The following CCR5AS variants were observed in gnomAD, a reference collection of about 807,000 sequenced individuals.
CCR5AS encodes CCR5 antisense RNA.
exon 2 of CCR5AS, chr3:46,392,852 TG>T: frequency 4.6e-6 from 1 of 218,590 alleles, no homozygotes; most frequent in Non-Finnish European, 8.9e-6. Flanking sequence ...AGATGTTCCT[TG>T]GGCTGGTCTG....
chr3:46,379,224 A>G (rs1460606883), intron 2 of CCR5AS, among the ~76,000 whole-genome samples: 1 of 123,180 alleles, frequency 8.1e-6, no homozygotes, highest in Non-Finnish European at 1.6e-5. Flanking sequence ...TCCTATGTCC[A>G]TGTGATCTCA....
At chr3:46,367,816 C>T (rs778139540) in intron 3 of CCR5AS, among the ~76,000 whole-genome samples, 10 of 152,276 alleles carry the variant, frequency 6.6e-5, no homozygotes, top group East Asian at 1.9e-4. Flanking sequence ...AAGTTATCCA[C>T]TCGCCTTGGC....
At chr3:46,390,102 G>A (rs375453168) in intron 2 of CCR5AS, among the ~76,000 whole-genome samples, 6 of 152,266 alleles carry the variant, frequency 3.9e-5, no homozygotes, top group South Asian at 2.1e-4. Flanking sequence ...TCATGAGAAA[G>A]GGCCTGGCCA....
intron 2 of CCR5AS, among the ~76,000 whole-genome samples, chr3:46,385,679 C>T (rs139223832): frequency 5.9e-5 from 9 of 152,228 alleles, no homozygotes; most frequent in South Asian, 2.1e-4. Context: ...CCCTACTGGG[C>T]GCAACTCTCT....
chr3:46,392,107 T>C (rs1271484155), intron 2 of CCR5AS, among the ~76,000 whole-genome samples: 1 of 152,170 alleles, frequency 6.6e-6, no homozygotes, highest in Admixed American at 6.5e-5. Context: ...ATTGTCAAGT[T>C]TGTATTGGGG....
At chr3:46,381,102 T>C (rs1701812529) in intron 2 of CCR5AS, among the ~76,000 whole-genome samples, 1 of 152,220 alleles carries the variant, frequency 6.6e-6, no homozygotes, top group Non-Finnish European at 1.5e-5. Context: ...TTTTGGGTTA[T>C]GTTTTCACCC....
intron 2 of CCR5AS, among the ~76,000 whole-genome samples, chr3:46,384,516 C>T (rs34190223): frequency 0.068 from 10,332 of 152,222 alleles, 528 homozygotes; most frequent in South Asian, 0.2. Context: ...GATTTGGGGG[C>T]TGCTTTTCAT....
At position 46,402,915 on chromosome 3, in the gene CCR5AS, C is replaced by T. The variant is rs978176293; in HGVS notation, n.163+3982G>A. On this transcript the variant is annotated intron_variant and non_coding_transcript_variant, in intron 1 of 3. Transcript: ENST00000451485. ...CCGCCCTCCAGTCTCAAGTAGACCC[C>T]GGTGTCTGTTGTTCCCTTCTTTGAG... Among the ~76,000 whole-genome samples, 51 of 152,148 alleles carry T rather than the reference C, an allele frequency of 3.4e-4. 1 individual carries two copies. The highest frequency in any genetic ancestry group is 2.4e-5 in the African/African-American group (1 of 41,422).
At chr3:46,373,050 CT>C (rs747388089) in intron 2 of CCR5AS, 9 of 1,614,064 alleles carry the variant, frequency 5.6e-6, no homozygotes, top group Non-Finnish European at 6.8e-6. Context: ...GGGCAACATG[CT>C]GGTCATCCTC....
chr3:46,375,431 C>T (rs1033308638), intron 2 of CCR5AS: 1 of 167,016 alleles, frequency 6.0e-6, no homozygotes, highest in African/African-American at 2.4e-5. Flanking sequence ...GTTACTCATT[C>T]AGGGATAGCA....
At chr3:46,386,598 C>T (rs1559572984) in intron 2 of CCR5AS, among the ~76,000 whole-genome samples, 1 of 152,032 alleles carries the variant, frequency 6.6e-6, no homozygotes, top group African/African-American at 2.4e-5. Context: ...CAAGGTGGGA[C>T]AGGGGGAAAG....
At chr3:46,379,897 A>AAAATAAAT (rs60485134) in intron 2 of CCR5AS, among the ~76,000 whole-genome samples, 2,029 of 146,482 alleles carry the variant, frequency 0.014, 19 homozygotes, top group African/African-American at 0.021. Flanking sequence ...ACTCTGTCTC[A>AAAATAAAT]AAATAAATAA....
chr3:46,364,836 T>G (rs1035262714), exon 4 of CCR5AS: 1 of 152,186 alleles, frequency 6.6e-6, no homozygotes, highest in Non-Finnish European at 1.5e-5. Context: ...CCAACCCCCA[T>G]AGATGACTTT....
intron 2 of CCR5AS, chr3:46,372,668 T>TC (rs1451829437): frequency 2.6e-6 from 1 of 387,526 alleles, no homozygotes; most frequent in East Asian, 4.6e-5. Flanking sequence ...TTTCATGAAT[T>TC]CCCCCAACAG....
chr3:46,406,389 C>T (rs1702047442), intron 1 of CCR5AS, among the ~76,000 whole-genome samples: 1 of 151,982 alleles, frequency 6.6e-6, no homozygotes, highest in South Asian at 2.1e-4. Flanking sequence ...AGTTCCTCTT[C>T]TCGGTTCGTC....
intron 2 of CCR5AS, among the ~76,000 whole-genome samples, chr3:46,388,832 A>G (rs1701883684): frequency 6.6e-6 from 1 of 152,224 alleles, no homozygotes; most frequent in South Asian, 2.1e-4. Context: ...GAGTGAGTAT[A>G]AAAGTAAAGA....
At chr3:46,397,508 G>A (rs1701970965) in intron 1 of CCR5AS, among the ~76,000 whole-genome samples, 1 of 152,210 alleles carries the variant, frequency 6.6e-6, no homozygotes. Flanking sequence ...GCCAGTGAGA[G>A]CAGGGCACTA....
At chr3:46,378,068 A>G (rs1223159436) in intron 2 of CCR5AS, among the ~76,000 whole-genome samples, 2 of 152,112 alleles carry the variant, frequency 1.3e-5, no homozygotes, top group African/African-American at 4.8e-5. Context: ...CCACTTACTT[A>G]TTGTCAGAGT....
At chr3:46,385,254 C>G (rs536220719) in intron 2 of CCR5AS, among the ~76,000 whole-genome samples, 1 of 152,234 alleles carries the variant, frequency 6.6e-6, no homozygotes, top group South Asian at 2.1e-4. Flanking sequence ...GCCACAGGCA[C>G]CCCCTAACTG....
Sources: allele counts gnomAD v4.1 joint callset (sites outside exome capture counted in the v4.1 genomes callset), GRCh38; gene constraint gnomAD v4.1.1; transcripts MANE v1.5; gene names NCBI Gene and HGNC (gene_info 2026-07-23, HGNC 2026-07-21).